CBR4: variants seen among roughly 807,000 people sequenced by gnomAD.
CBR4 encodes the protein 3-oxoacyl-[acyl-carrier-protein] reductase.
Under a neutral mutation model 21.0 loss-of-function variants are expected in CBR4, and 22 were observed. That is an observed-to-expected ratio of 1.05 (90% CI 0.75 to 1.50). The LOEUF is 1.50. Ranked by LOEUF, CBR4 falls within the 40% of genes most tolerant of loss-of-function variation. The pLI, the probability that CBR4 is intolerant of heterozygous loss-of-function variation, is 0.00. For missense variants in CBR4, 302 were observed against 286.3 expected (o/e 1.05, Z -0.40); for synonymous variants, 100 against 104.4 (o/e 0.96, Z 0.26).
intron 2 of CBR4, among the ~76,000 whole-genome samples, chr4:168,907,600 G>A (rs559288877): frequency 2.6e-5 from 4 of 152,278 alleles, no homozygotes; most frequent in East Asian, 3.9e-4. Flanking sequence ...AGCACCCTCA[G>A]GGCCAAGAGA....
chr4:168,958,381 TTATCTATGTG>T (rs1431056180), intron 2 of CBR4, among the ~76,000 whole-genome samples: 2 of 152,230 alleles, frequency 1.3e-5, no homozygotes, highest in African/African-American at 2.4e-5. Flanking sequence ...ATTTTGCAAT[TTATCTATGTG>T]TATAATAGTT....
chr4:169,004,813 A>T (rs1299642864), intron 3 of CBR4, among the ~76,000 whole-genome samples: 1 of 152,230 alleles, frequency 6.6e-6, no homozygotes, highest in Non-Finnish European at 1.5e-5. Context: ...GATATATTGT[A>T]AACTGTACTG....
chr4:168,925,105 T>C, intron 2 of CBR4: 2 of 1,611,412 alleles, frequency 1.2e-6, no homozygotes, highest in East Asian at 2.2e-5. Flanking sequence ...CTCATTTCAT[T>C]GCGTTTACTC....
In CBR4 at chr4:168,926,316, G is replaced by C. The variant is rs752296365; in HGVS notation, n.170-31551C>G. The C allele has an allele frequency of 6.5e-7, 1 of 1,537,192 alleles. No homozygotes were observed. The highest frequency in any genetic ancestry group is 1.4e-5 in the African/African-American group (1 of 73,026). Reference sequence around the variant, plus strand: ...ACCAGGGACTAGACATCAAAGCAGCGTTCCAACCTGAGGCCAACCCATCTC... The same window carrying C: ...ACCAGGGACTAGACATCAAAGCAGCCTTCCAACCTGAGGCCAACCCATCTC... On this transcript the variant is annotated intron_variant and non_coding_transcript_variant, in intron 2 of 3. Coordinates refer to the CBR4 transcript ENST00000509108.
intron 2 of CBR4, among the ~76,000 whole-genome samples, chr4:168,897,256 T>G (rs1755409599): frequency 6.6e-6 from 1 of 152,232 alleles, no homozygotes. Context: ...ATTAATTTGA[T>G]AGTAATTAGA....
intron 4 of CBR4, among the ~76,000 whole-genome samples, chr4:168,992,525 T>TA (rs1560983718): frequency 2.0e-5 from 3 of 152,036 alleles, no homozygotes; most frequent in Admixed American, 2.0e-4. Context: ...AAGATAAAAA[T>TA]AAAAAATAAA....
intron 2 of CBR4, among the ~76,000 whole-genome samples, chr4:168,919,490 C>T (rs2126419973): frequency 6.7e-6 from 1 of 150,356 alleles, no homozygotes; most frequent in South Asian, 2.1e-4. Context: ...GTGCCCACTG[C>T]ACTCCAGCCT....
At chr4:169,001,016 G>T (rs748389722) in intron 4 of CBR4, among the ~76,000 whole-genome samples, 1 of 151,760 alleles carries the variant, frequency 6.6e-6, no homozygotes, top group South Asian at 2.1e-4. Flanking sequence ...ACAGGGTCTC[G>T]CTCTGTCACC....
rs111386912 is a variant in CBR4 at position 168,945,869 on chromosome 4, C to T, written n.170-51104G>A. The stretch of plus-strand genomic sequence containing the variant: ...AGAACAAGAAAGAAGAGGAGACAAA[C>T]GCTAGAAAGCAGATGGGAGTTAGGC... On this transcript the variant is annotated intron_variant and non_coding_transcript_variant, in intron 2 of 3. Transcript: ENST00000509108. Among the ~76,000 whole-genome samples, 175 of 152,178 alleles carry T rather than the reference C, an allele frequency of 1.1e-3. 1 individual carries two copies. Among genetic ancestry groups the T allele is most frequent in the African/African-American group, 3.9e-3 (160 of 41,508 alleles).
chr4:168,951,161 C>T (rs561823701), intron 2 of CBR4, among the ~76,000 whole-genome samples: 12 of 152,230 alleles, frequency 7.9e-5, no homozygotes, highest in South Asian at 2.1e-4. Context: ...CAGGTACAAG[C>T]GATTCTCCTG....
intron 2 of CBR4, among the ~76,000 whole-genome samples, chr4:168,902,660 A>G (rs1384882822): frequency 6.6e-6 from 1 of 152,184 alleles, no homozygotes; most frequent in Non-Finnish European, 1.5e-5. Flanking sequence ...AAAACAAAAC[A>G]AAACCTTAGA....
chr4:168,906,320 T>C (rs949553829), intron 2 of CBR4, among the ~76,000 whole-genome samples: 1 of 152,196 alleles, frequency 6.6e-6, no homozygotes, highest in African/African-American at 2.4e-5. Context: ...CAATTGTGAG[T>C]CCGCTTAGTG....
intron 2 of CBR4, among the ~76,000 whole-genome samples, chr4:168,929,258 G>A (rs1470069998): frequency 6.6e-6 from 1 of 152,108 alleles, no homozygotes; most frequent in Non-Finnish European, 1.5e-5. Context: ...ACAACAGACG[G>A]ACAACATATT....
chr4:168,916,684 C>CT (rs545906704), intron 2 of CBR4, among the ~76,000 whole-genome samples: 23,317 of 136,186 alleles, frequency 0.17, 2,781 homozygotes, highest in African/African-American at 0.31. Flanking sequence ...TTTTCTAATT[C>CT]TTTTTTTTTT....
chr4:168,951,885 A>G (rs975646671), intron 2 of CBR4, among the ~76,000 whole-genome samples: 1 of 152,190 alleles, frequency 6.6e-6, no homozygotes, highest in African/African-American at 2.4e-5. Flanking sequence ...CCTGATGACA[A>G]TGTGCCTAGG....
Position 168,998,989 on chromosome 4 carries a change from T to C in CBR4, c.535+3082A>G, listed in dbSNP as rs114757419. 9.3e-3 allele frequency among the ~76,000 whole-genome samples: 1,411 copies of C among 152,268 alleles called. 15 individuals are homozygous for C. The highest frequency in any genetic ancestry group is 0.016 in the African/African-American group (672 of 41,574). ...ATTTCGTACTATATGTATTATCTAT[T>C]CAAAACACATATTTTTTAAGGTAAT... On this transcript the variant is annotated intron_variant, in intron 4 of 4. Coordinates refer to ENST00000306193, the MANE Select transcript of CBR4 (RefSeq NM_032783.5).
intron 2 of CBR4, chr4:168,924,169 CAAGCAATATTCCAA>C (rs1323401096): frequency 8.5e-7 from 1 of 1,175,786 alleles, no homozygotes; most frequent in African/African-American, 1.5e-5. Flanking sequence ...AAGATCTATT[CAAGCAATATTCCAA>C]AAGCCTTCTG....
At chr4:168,991,278 A>G (rs918682495) in intron 4 of CBR4, among the ~76,000 whole-genome samples, 5 of 152,156 alleles carry the variant, frequency 3.3e-5, no homozygotes, top group African/African-American at 1.2e-4. Context: ...TCACTTGCAC[A>G]CCCGATTATA....
intron 2 of CBR4, chr4:168,921,427 G>C: frequency 3.9e-5 from 14 of 361,096 alleles, no homozygotes; most frequent in Non-Finnish European, 5.6e-5. Context: ...AAAAAAAAAA[G>C]CCACCTCTTG....
Sources: gnomAD v4.1 joint callset for allele counts (sites outside exome capture counted in the v4.1 genomes callset) on GRCh38, gnomAD v4.1.1 for gene constraint, MANE v1.5 for transcripts, NCBI Gene and HGNC (gene_info 2026-07-23, HGNC 2026-07-21) for gene names.